Variants in GLIS1 observed in about 807,000 individuals in gnomAD.
The protein encoded by GLIS1 is GLIS family zinc finger 1.
Under a neutral mutation model 63.8 loss-of-function variants are expected in GLIS1, and 24 were observed. That is an observed-to-expected ratio of 0.38 (90% CI 0.27 to 0.53). GLIS1 has a LOEUF of 0.53. Ranked by LOEUF, GLIS1 falls within the 20% of genes least tolerant of loss-of-function variation. The pLI, the probability that GLIS1 is intolerant of heterozygous loss-of-function variation, is 0.85. For synonymous variants in GLIS1, 450 were observed against 482.5 expected (o/e 0.93, Z 0.88); for missense variants, 1,036 against 1,074.1 (o/e 0.96, Z 0.50).
chr1:53,602,019 C>T (rs1229595707), intron 2 of GLIS1, among the ~76,000 whole-genome samples: 17 of 152,132 alleles, frequency 1.1e-4, no homozygotes, highest in Admixed American at 1.1e-3. Context: ...CTCCACGTTC[C>T]CAGCCACACG....
At chr1:53,563,370 G>A (rs1644909452) in intron 4 of GLIS1, among the ~76,000 whole-genome samples, 1 of 152,242 alleles carries the variant, frequency 6.6e-6, no homozygotes, top group Admixed American at 6.5e-5. Flanking sequence ...ACATTAGCAA[G>A]TAACGAGACT....
chr1:53,618,802 G>A (rs1180341134), intron 2 of GLIS1, among the ~76,000 whole-genome samples: 1 of 152,184 alleles, frequency 6.6e-6, no homozygotes, highest in Non-Finnish European at 1.5e-5. Context: ...CATGCAAGTA[G>A]GGCTCCCTAT....
chr1:53,656,335 C>T (rs1273361004), intron 2 of GLIS1, among the ~76,000 whole-genome samples: 1 of 152,194 alleles, frequency 6.6e-6, no homozygotes, highest in Non-Finnish European at 1.5e-5. Flanking sequence ...CTTCTCCTCA[C>T]CTGAGACCTC....
At chr1:53,584,389 T>C (rs1254270875) in intron 4 of GLIS1, among the ~76,000 whole-genome samples, 6 of 152,218 alleles carry the variant, frequency 3.9e-5, no homozygotes, top group Non-Finnish European at 5.9e-5. Context: ...CGTGTGCTGT[T>C]TCCTTTCCCT....
chr1:53,640,090 C>A (rs1645769938), intron 2 of GLIS1, among the ~76,000 whole-genome samples: 1 of 152,222 alleles, frequency 6.6e-6, no homozygotes, highest in African/African-American at 2.4e-5. Context: ...AAGGGACATA[C>A]TAGCCCTAGG....
At chr1:53,650,589 CAA>C (rs61374751) in intron 2 of GLIS1, among the ~76,000 whole-genome samples, 135 of 105,436 alleles carry the variant, frequency 1.3e-3, no homozygotes, top group Middle Eastern at 4.6e-3. Flanking sequence ...GACTTCATCT[CAA>C]AAAAAAAAAA....
In GLIS1 at chr1:53,675,950, C is replaced by T. The variant is rs561645827; in HGVS notation, c.259+61856G>A. 4.0e-5 allele frequency among the ~76,000 whole-genome samples: 6 copies of T among 151,750 alleles called. No individual in the cohort carries two copies. The East Asian group carries it at 9.7e-4, about 25-fold the overall frequency. ...AGAGAAGCCTGGAGCCAGCAGCCAT[C>T]AGGACCTTGTCCAAAAATCCCCAGG... On this transcript the variant is annotated intron_variant, in intron 2 of 10. Transcript: ENST00000628545.
intron 2 of GLIS1, among the ~76,000 whole-genome samples, chr1:53,736,978 A>AG (rs777562581): frequency 7.8e-5 from 6 of 77,394 alleles, no homozygotes; most frequent in Non-Finnish European, 1.9e-4. Context: ...GTTTCCCCTA[A>AG]GGGAAAAAAA....
chr1:53,600,713 A>G (rs768382823), intron 2 of GLIS1, among the ~76,000 whole-genome samples: 3 of 152,204 alleles, frequency 2.0e-5, no homozygotes, highest in Non-Finnish European at 2.9e-5. Flanking sequence ...GCTGCTGCCC[A>G]CAGGCTGGAG....
intron 4 of GLIS1, among the ~76,000 whole-genome samples, chr1:53,558,576 T>C (rs1644856120): frequency 6.6e-6 from 1 of 152,190 alleles, no homozygotes; most frequent in Non-Finnish European, 1.5e-5. Flanking sequence ...GGCCAGCTCA[T>C]GTGTCCACTG....
chr1:53,595,884 C>T (rs879527893), intron 3 of GLIS1, among the ~76,000 whole-genome samples: 22 of 152,098 alleles, frequency 1.4e-4, no homozygotes, highest in Non-Finnish European at 2.9e-4. Context: ...CTGAGGGGTC[C>T]CAGGGTTTCA....
At chr1:53,677,688 G>A (rs1257456960) in intron 2 of GLIS1, among the ~76,000 whole-genome samples, 2 of 152,222 alleles carry the variant, frequency 1.3e-5, no homozygotes, top group Non-Finnish European at 1.5e-5. Context: ...ACCCAGCCGC[G>A]GGCACCCGCG....
intron 2 of GLIS1, among the ~76,000 whole-genome samples, chr1:53,704,567 A>C (rs1233792116): frequency 2.0e-5 from 3 of 151,746 alleles, no homozygotes; most frequent in Non-Finnish European, 4.4e-5. Context: ...GGGGAAAGGA[A>C]GGGAGAGAAG....
intron 2 of GLIS1, among the ~76,000 whole-genome samples, chr1:53,604,922 GTGTGTGTGTGTA>G (rs1645354034): frequency 5.4e-5 from 1 of 18,522 alleles, no homozygotes; most frequent in Non-Finnish European, 1.2e-3. Flanking sequence ...ATGTGTGTGT[GTGTGTGTGTGTA>G]TATATATACA....
At chr1:53,556,312 C>T (rs1292257195) in intron 4 of GLIS1, among the ~76,000 whole-genome samples, 2 of 105,596 alleles carry the variant, frequency 1.9e-5, no homozygotes, top group African/African-American at 3.8e-5. Context: ...TGTGTGTGTG[C>T]AGGTGTACTG....
At chr1:53,518,943 C>T (rs2100287063) in intron 7 of GLIS1, among the ~76,000 whole-genome samples, 1 of 152,312 alleles carries the variant, frequency 6.6e-6, no homozygotes, top group South Asian at 2.1e-4. Flanking sequence ...CTTCTCCTGC[C>T]CAGGCCTGAG....
intron 2 of GLIS1, among the ~76,000 whole-genome samples, chr1:53,685,470 C>A (rs553989577): frequency 6.6e-6 from 1 of 152,220 alleles, no homozygotes; most frequent in Non-Finnish European, 1.5e-5. Context: ...TTAATCAGAG[C>A]CTAATCGACC....
In GLIS1 at chr1:53,737,786, G is replaced by A; in HGVS notation, c.259+20C>T. ...AATCTCCACAGGAGCCGCCAGGCACGTTGGCAGGGCCGAACTCACCCTTCC... is the reference window on the plus strand; with the variant it reads ...AATCTCCACAGGAGCCGCCAGGCACATTGGCAGGGCCGAACTCACCCTTCC... On this transcript the variant is annotated intron_variant, in intron 2 of 10. Transcript: ENST00000628545. The A allele has an allele frequency of 8.1e-7, 1 of 1,230,932 alleles. No individual in the cohort carries two copies. Among genetic ancestry groups the A allele is most frequent in the Non-Finnish European group, 1.0e-6 (1 of 987,378 alleles). The allele number at this position is 1,230,932 out of a possible 1,614,324, so 76.3% of individuals were successfully genotyped here. A position where few individuals can be genotyped will look rare whatever the true frequency, so the allele number is the denominator to read the frequency against.
At chr1:53,673,800 G>A (rs1313745066) in intron 2 of GLIS1, among the ~76,000 whole-genome samples, 1 of 152,224 alleles carries the variant, frequency 6.6e-6, no homozygotes, top group East Asian at 1.9e-4. Flanking sequence ...CCTGGTGCAC[G>A]GTAGGTGGTG....
Sources: gnomAD v4.1 joint callset for allele counts (sites outside exome capture counted in the v4.1 genomes callset) on GRCh38, gnomAD v4.1.1 for gene constraint, MANE v1.5 for transcripts, NCBI Gene and HGNC (gene_info 2026-07-23, HGNC 2026-07-21) for gene names.